TENM4: variants seen among roughly 807,000 people sequenced by gnomAD.
TENM4 encodes the protein teneurin transmembrane protein 4, also known as teneurin-4.
Under a neutral mutation model 243.3 loss-of-function variants are expected in TENM4, and 82 were observed. The observed-to-expected ratio is 0.34, with a 90% CI of 0.28 to 0.40. The LOEUF is 0.40. TENM4 is among the 10% of genes least tolerant of loss of function. TENM4 has a pLI of 1.00. For synonymous variants in TENM4, 1,412 were observed against 1,456.3 expected (o/e 0.97, Z 0.69); for missense variants, 3,138 against 3,673.3 (o/e 0.85, Z 3.77).
chr11:78,876,030 G>T (rs375883066), intron 9 of TENM4, among the ~76,000 whole-genome samples: 3 of 152,266 alleles, frequency 2.0e-5, no homozygotes, highest in South Asian at 4.2e-4. Context: ...GAGGCAGCAC[G>T]GTCTGCATAG....
intron 6 of TENM4, among the ~76,000 whole-genome samples, chr11:79,002,693 A>G (rs1858364321): frequency 1.3e-5 from 2 of 152,242 alleles, no homozygotes; most frequent in Admixed American, 1.3e-4. Flanking sequence ...ATCAGCCCAC[A>G]CAGATGAGAA....
In TENM4 at chr11:78,653,140, G is replaced by A. The variant is rs2135597306; in HGVS notation, c.*4918C>T. ...CAGAGCTGCAGCCTGGAGGGATTTA[G>A]AGGGACCCTGGGGCCTAGGACTGAG... On this transcript the variant is annotated 3_prime_UTR_variant, in exon 34 of 34. Transcript: ENST00000278550. 1 of 152,332 alleles carries A rather than the reference G, an allele frequency of 6.6e-6. No homozygotes were observed. Among genetic ancestry groups the A allele is most frequent in the South Asian group, 2.1e-4 (1 of 4,826 alleles). The allele number at this position is 152,332 out of a possible 1,614,324, so 9.4% of individuals were successfully genotyped here.
At chr11:78,914,937 A>G (rs577318380) in intron 6 of TENM4, among the ~76,000 whole-genome samples, 9 of 152,244 alleles carry the variant, frequency 5.9e-5, no homozygotes, top group African/African-American at 1.4e-4. Context: ...GTGGCTATCC[A>G]TCAGATGGAG....
At chr11:79,347,700 A>G (rs1349303798) in intron 1 of TENM4, among the ~76,000 whole-genome samples, 1 of 151,648 alleles carries the variant, frequency 6.6e-6, no homozygotes, top group Non-Finnish European at 1.5e-5. Context: ...GTCTATAAAA[A>G]CAGGAACATG....
chr11:79,388,773 G>C (rs1858169423), intron 1 of TENM4, among the ~76,000 whole-genome samples: 1 of 152,208 alleles, frequency 6.6e-6, no homozygotes, highest in Admixed American at 6.5e-5. Context: ...GCAATTCCAT[G>C]CACAGTGTGG....
At chr11:78,908,823 A>G (rs951681857) in intron 6 of TENM4, among the ~76,000 whole-genome samples, 2 of 152,248 alleles carry the variant, frequency 1.3e-5, no homozygotes, top group Non-Finnish European at 2.9e-5. Flanking sequence ...AAGGTGTGCC[A>G]TAAGGAGAAG....
At chr11:78,853,532 TCAGGGCCCA>T (rs1858595672) in intron 12 of TENM4, among the ~76,000 whole-genome samples, 1 of 152,130 alleles carries the variant, frequency 6.6e-6, no homozygotes. Flanking sequence ...ATTTCGCACA[TCAGGGCCCA>T]CTCTTTGTCA....
intron 3 of TENM4, among the ~76,000 whole-genome samples, chr11:79,170,712 T>C (rs931384025): frequency 3.3e-5 from 5 of 152,162 alleles, no homozygotes; most frequent in Non-Finnish European, 7.4e-5. Context: ...TCACAGCTCT[T>C]GAAAGGAAGC....
chr11:78,878,322 C>T lies in TENM4; in HGVS notation c.1084+11463G>A, dbSNP rs147364266. Among the ~76,000 whole-genome samples, 18 of 152,234 alleles carry T rather than the reference C, an allele frequency of 1.2e-4. 1 individual carries two copies. In the South Asian group the frequency reaches 2.3e-3, roughly 19 times the overall value. ...ATACTAAGTATGACGGAAATTTTTT[C>T]GGCCCTCATGGAGCTCATAATCTAA... is the stretch of plus-strand genomic sequence containing the variant. On this transcript the variant is annotated intron_variant, in intron 9 of 33. Coordinates refer to ENST00000278550, the MANE Select transcript of TENM4 (RefSeq NM_001098816.3).
In TENM4 at chr11:79,069,891, G is replaced by A. The variant is rs1860364788; in HGVS notation, c.54C>T (p.Ala18=). 8 of 1,548,472 alleles carry A rather than the reference G, an allele frequency of 5.2e-6. No homozygotes were observed. Among genetic ancestry groups the A allele is most frequent in the South Asian group, 1.2e-5 (1 of 83,990 alleles). Residue 18 remains alanine (A), a synonymous_variant, in exon 5 of 34, where the codon GCC becomes GCT. Coordinates refer to ENST00000278550, the MANE Select transcript of TENM4 (RefSeq NM_001098816.3). ...PYRSLTRRRD[A]ERRYTSSSAD... is the part of the protein sequence containing the mutation. ...CGGACGAGCTGGTGTAGCGGCGCTC[G>A]GCGTCGCGGCGCCGGGTCAGCGAGC...
chr11:79,020,761 A>G (rs1858904395), intron 6 of TENM4, among the ~76,000 whole-genome samples: 1 of 152,204 alleles, frequency 6.6e-6, no homozygotes, highest in African/African-American at 2.4e-5. Flanking sequence ...CAAAGGAATC[A>G]TGGGGTCAGA....
At chr11:79,002,656 G>A (rs953077297) in intron 6 of TENM4, among the ~76,000 whole-genome samples, 1 of 152,170 alleles carries the variant, frequency 6.6e-6, no homozygotes, top group African/African-American at 2.4e-5. Flanking sequence ...CCATTGGAAG[G>A]ATAGCAACTT....
At chr11:78,874,709 A>C (rs1257537346) in intron 9 of TENM4, among the ~76,000 whole-genome samples, 1 of 152,224 alleles carries the variant, frequency 6.6e-6, no homozygotes, top group Admixed American at 6.5e-5. Flanking sequence ...GTGTGTGCTT[A>C]TATACACAGT....
chr11:78,775,158 T>C (rs925132557), intron 17 of TENM4, among the ~76,000 whole-genome samples: 5 of 152,368 alleles, frequency 3.3e-5, no homozygotes, highest in African/African-American at 1.2e-4. Context: ...CTTATTCGAT[T>C]ACTAGAGCAT....
intron 7 of TENM4, among the ~76,000 whole-genome samples, chr11:78,898,675 C>T (rs1591111057): frequency 6.6e-6 from 1 of 152,196 alleles, no homozygotes; most frequent in Non-Finnish European, 1.5e-5. Context: ...GTTAAGTATA[C>T]ATATTCATTC....
At chr11:78,676,444 G>C (rs1172988518) in intron 29 of TENM4, 57 bp from the exon 30 acceptor site, 1 of 1,408,822 alleles carries the variant, frequency 7.1e-7, no homozygotes, top group East Asian at 2.3e-5. Flanking sequence ...AGGGAGGTGT[G>C]AGGACAGCAG....
rs141863856 is a variant in TENM4 at position 79,100,796 on chromosome 11, C to T, written c.-65-30787G>A. ...AAGGAAGCCCCTCCCTCTCTCCTCC[C>T]AATGTGTTTTCAAGTGGACAAAAGG... On this transcript the variant is annotated intron_variant, in intron 4 of 33. Transcript: ENST00000278550. Among the ~76,000 whole-genome samples, 1,051 of 152,284 alleles carry T rather than the reference C, an allele frequency of 6.9e-3. 13 individuals carry two copies. The highest frequency in any genetic ancestry group is 0.024 in the African/African-American group (1,010 of 41,560).
chr11:79,424,882 C>T (rs758229761), intron 1 of TENM4, among the ~76,000 whole-genome samples: 7 of 151,690 alleles, frequency 4.6e-5, no homozygotes, highest in African/African-American at 1.2e-4. Flanking sequence ...TGCAGTGAGC[C>T]GAGATCACAC....
intron 3 of TENM4, among the ~76,000 whole-genome samples, chr11:79,188,006 G>A (rs1393496896): frequency 6.6e-6 from 1 of 152,204 alleles, no homozygotes; most frequent in Non-Finnish European, 1.5e-5. Context: ...CAGTGTTTCA[G>A]TAGAGCTTGG....
Sources: gnomAD v4.1 joint callset for allele counts (sites outside exome capture counted in the v4.1 genomes callset) on GRCh38, gnomAD v4.1.1 for gene constraint, MANE v1.5 for transcripts, NCBI Gene and HGNC (gene_info 2026-07-23, HGNC 2026-07-21) for gene names.